GALK2: variants seen among roughly 807,000 people sequenced by gnomAD.
The protein encoded by GALK2 is galactokinase 2.
Under a neutral mutation model 52.4 loss-of-function variants are expected in GALK2, and 36 were observed. The ratio of observed to expected loss-of-function variants is 0.69; its 90% CI spans 0.53 to 0.91. The LOEUF is 0.91. Among genes scored for constraint, GALK2 ranks in the 40% least tolerant of loss-of-function variants. The pLI is 0.00. For synonymous variants in GALK2, 176 were observed against 199.1 expected (o/e 0.88, Z 0.98); for missense variants, 579 against 559.1 (o/e 1.04, Z -0.36).
chr15:49,195,288 G>A (rs2087122479), intron 1 of GALK2: 2 of 299,676 alleles, frequency 6.7e-6, no homozygotes. Context: ...GGCAAGGCTG[G>A]TCTGGAACTC....
Position 49,283,714 on chromosome 15 carries a change from C to T in GALK2, c.752C>T (p.Ala251Val), listed in dbSNP as rs199727284. ...AGGGTGATGGAGTGTCGGCTGGCTG[C>T]GAAGGTATGAACTTGGCAGGCTAGT... ...NIRVMECRLA[A>V]KLLAKYKSLQ... is the part of the protein sequence containing the mutation. Residue 251 changes from alanine to valine, a missense_variant, in exon 7 of 10, where the codon GCG (alanine) becomes GTG (valine). Transcript: ENST00000560031. 184 of 1,613,468 alleles carry T rather than the reference C, an allele frequency of 1.1e-4. No homozygotes were observed. Among genetic ancestry groups the T allele is most frequent in the Middle Eastern group, 1.6e-4 (1 of 6,082 alleles).
chr15:49,214,880 A>G (rs1021538097), intron 2 of GALK2, among the ~76,000 whole-genome samples: 3 of 152,182 alleles, frequency 2.0e-5, no homozygotes, highest in Non-Finnish European at 4.4e-5. Context: ...TTCAGATTGA[A>G]TAACTCTCTT....
intron 9 of GALK2, among the ~76,000 whole-genome samples, chr15:49,325,893 T>C (rs2037394409): frequency 1.3e-5 from 2 of 152,162 alleles, no homozygotes; most frequent in South Asian, 2.1e-4. Flanking sequence ...CTCAGGAAAA[T>C]AGACCTCTGG....
chr15:49,257,292 G>A (rs1245599519), intron 5 of GALK2, among the ~76,000 whole-genome samples: 1 of 152,152 alleles, frequency 6.6e-6, no homozygotes, highest in Non-Finnish European at 1.5e-5. Flanking sequence ...AGTAAAGACT[G>A]TTCCTCTTGG....
At chr15:49,335,478 G>A, downstream of GALK2, 1 of 1,613,220 alleles carries the variant, frequency 6.2e-7, no homozygotes, top group Non-Finnish European at 8.5e-7. Flanking sequence ...TAACATCACG[G>A]TATGTTGGAG....
chr15:49,285,114 C>T (rs113847708), intron 7 of GALK2, among the ~76,000 whole-genome samples: 4,709 of 152,226 alleles, frequency 0.031, 146 homozygotes, highest in African/African-American at 0.07. Context: ...CTCACTTCTG[C>T]GTTCTCCACA....
intron 9 of GALK2, among the ~76,000 whole-genome samples, chr15:49,324,800 C>T (rs534129554): frequency 2.6e-5 from 4 of 152,210 alleles, no homozygotes; most frequent in South Asian, 4.1e-4. Flanking sequence ...AGGGAAATAT[C>T]GTAGTCCAGC....
chr15:49,158,343 G>C (rs2084527683), intron 1 of GALK2, among the ~76,000 whole-genome samples: 1 of 152,182 alleles, frequency 6.6e-6, no homozygotes, highest in Non-Finnish European at 1.5e-5. Context: ...TTGTAAGCAT[G>C]TCTTTGAATG....
At chr15:49,238,337 C>T (rs562422129) in intron 4 of GALK2, among the ~76,000 whole-genome samples, 1 of 152,246 alleles carries the variant, frequency 6.6e-6, no homozygotes, top group South Asian at 2.1e-4. Flanking sequence ...TAGAGCTTTC[C>T]ATATTTAAAT....
intron 2 of GALK2, among the ~76,000 whole-genome samples, chr15:49,211,157 T>A (rs1055669684): frequency 6.6e-6 from 1 of 152,234 alleles, no homozygotes; most frequent in South Asian, 2.1e-4. Context: ...ACATCTTGAA[T>A]GCTTTGCTGC....
Position 49,163,343 on chromosome 15 carries a change from A to C in GALK2, c.20+7327A>C, listed in dbSNP as rs1295856154. On this transcript the variant is annotated intron_variant, in intron 1 of 9. Coordinates refer to the GALK2 transcript ENST00000327171. ...TTTTTTAAACTGGGTTGTTTATCTT[A>C]TTACTGTTGAGTTGTAAGAGTTCTT... is the stretch of plus-strand genomic sequence containing the variant. 2.0e-5 allele frequency among the ~76,000 whole-genome samples: 3 copies of C among 152,102 alleles called. No individual in the cohort carries two copies. In the East Asian group the frequency reaches 5.8e-4, roughly 29 times the overall value.
chr15:49,216,925 G>GTTA (rs2089423048), intron 2 of GALK2, among the ~76,000 whole-genome samples: 1 of 152,116 alleles, frequency 6.6e-6, no homozygotes, highest in Admixed American at 6.5e-5. Flanking sequence ...TATCCCTGAT[G>GTTA]TTATGTTAAA....
intron 3 of GALK2, among the ~76,000 whole-genome samples, chr15:49,354,351 G>T (rs1028346922): frequency 6.6e-6 from 1 of 152,202 alleles, no homozygotes; most frequent in Non-Finnish European, 1.5e-5. Context: ...CATCTCACTA[G>T]GGAGTGCCAG....
In GALK2 at chr15:49,170,258, G is replaced by A. The variant is rs1555395091; in HGVS notation, c.-65G>A. ...AAACGGCTCCTGTCACAGAAGTCTC[G>A]TGATTGCTCTGGGAGCTTTGCTTAG... On this transcript the variant is annotated 5_prime_UTR_variant, in exon 1 of 10. It adds an upstream start codon to the 5' untranslated region. Coordinates refer to ENST00000560031, the MANE Select transcript of GALK2 (RefSeq NM_002044.4). 3.2e-6 allele frequency: 5 copies of A among 1,548,276 alleles called. No homozygotes were observed. In the South Asian group the frequency reaches 3.6e-5, roughly 11 times the overall value.
At chr15:49,171,379 G>A in intron 1 of GALK2, among the ~76,000 whole-genome samples, 1 of 152,116 alleles carries the variant, frequency 6.6e-6, no homozygotes, top group Middle Eastern at 3.2e-3. Context: ...ATCGCGCCCG[G>A]CCCTCTGCCT....
intron 1 of GALK2, among the ~76,000 whole-genome samples, chr15:49,178,038 G>A (rs1003924140): frequency 2.9e-4 from 44 of 150,212 alleles, no homozygotes; most frequent in African/African-American, 1.2e-4. Flanking sequence ...GTGTGGTGGC[G>A]CACACCTATA....
upstream of GALK2, among the ~76,000 whole-genome samples, chr15:49,165,281 T>C (rs983313573): frequency 6.6e-6 from 1 of 152,182 alleles, no homozygotes; most frequent in Non-Finnish European, 1.5e-5. Context: ...CTGGAGAGAA[T>C]GTTGGGATGG....
At chr15:49,259,305 A>G (rs546819316) in intron 5 of GALK2, among the ~76,000 whole-genome samples, 26 of 151,078 alleles carry the variant, frequency 1.7e-4, no homozygotes, top group Non-Finnish European at 3.4e-4. Flanking sequence ...CTCATTTAGC[A>G]TTAGGTATAT....
At chr15:49,341,443 T>C (rs1304222072) in intron 3 of GALK2, among the ~76,000 whole-genome samples, 1 of 152,226 alleles carries the variant, frequency 6.6e-6, no homozygotes, top group South Asian at 2.1e-4. Context: ...CAGAATTTTC[T>C]AGTTTTCTTT....
Sources: allele counts gnomAD v4.1 joint callset (sites outside exome capture counted in the v4.1 genomes callset), GRCh38; gene constraint gnomAD v4.1.1; transcripts MANE v1.5; gene names NCBI Gene and HGNC (gene_info 2026-07-23, HGNC 2026-07-21).